Variants in AFAP1L1 observed in about 807,000 individuals in gnomAD.
The protein encoded by AFAP1L1 is actin filament-associated protein 1-like 1.
A neutral mutation model predicts 99.8 loss-of-function variants in AFAP1L1; 77 were observed. The ratio of observed to expected loss-of-function variants is 0.77; its 90% confidence interval spans 0.64 to 0.93. The LOEUF (loss-of-function observed/expected upper bound fraction) is 0.93, where lower values mean the gene tolerates loss of function less well. Among genes scored for constraint, AFAP1L1 ranks in the 40% least tolerant of loss-of-function variants. AFAP1L1 has a pLI of 0.00. For missense variants in AFAP1L1, 893 were observed against 996.8 expected (o/e 0.90, Z 1.40); for synonymous variants, 373 against 395.3 (o/e 0.94, Z 0.67).
Position 149,271,946 on chromosome 5 carries a change from T to G in AFAP1L1, c.-23T>G. 2 of 1,228,310 alleles carry G rather than the reference T, an allele frequency of 1.6e-6. No homozygotes were observed. The allele number at this position is 1,228,310 out of a possible 1,614,324, so 76.1% of individuals were successfully genotyped here. A position where few individuals can be genotyped will look rare whatever the true frequency, so the allele number is the denominator to read the frequency against. On this transcript the variant is annotated 5_prime_UTR_variant, in exon 1 of 19. Transcript: ENST00000296721. ...GGAGCCCCTGCGCCCTGCGGCCCGC[T>G]CCCCGGGGACCGGGCCGGCGCCATG...
intron 17 of AFAP1L1, among the ~76,000 whole-genome samples, chr5:149,334,900 G>A (rs1757360559): frequency 6.6e-6 from 1 of 151,840 alleles, no homozygotes; most frequent in African/African-American, 2.4e-5. Context: ...AGAAAGAAAG[G>A]AAAGAAAGAA....
At position 149,301,240 on chromosome 5, in the gene AFAP1L1, G is replaced by A; in HGVS notation, c.327+10G>A. 1.2e-6 allele frequency: 2 copies of A among 1,613,344 alleles called. No homozygotes were observed. Among genetic ancestry groups the A allele is most frequent in the Non-Finnish European group, 1.7e-6 (2 of 1,179,580 alleles). ...CCCACGCCTGAGAAACGTGAGTCAT[G>A]GCCTGGGTTCCCACACCTCAGGGCC... On this transcript the variant is annotated intron_variant, in intron 4 of 18. Coordinates refer to ENST00000296721, the MANE Select transcript of AFAP1L1 (RefSeq NM_152406.4).
At chr5:149,335,975 AG>A (rs915048258) in intron 18 of AFAP1L1, among the ~76,000 whole-genome samples, 8 of 152,256 alleles carry the variant, frequency 5.3e-5, no homozygotes, top group Admixed American at 5.2e-4. Flanking sequence ...GTTTTCAGAC[AG>A]GACAGGTTCC....
intron 9 of AFAP1L1, 100 bp from the exon 10 acceptor site, chr5:149,315,721 C>T (rs1269812336): frequency 1.1e-6 from 1 of 930,448 alleles, no homozygotes; most frequent in Non-Finnish European, 1.7e-6. Flanking sequence ...AGCTAATTAT[C>T]ATGTGCTGGG....
At chr5:149,333,656 G>A (rs1229393990) in intron 17 of AFAP1L1, among the ~76,000 whole-genome samples, 1 of 152,178 alleles carries the variant, frequency 6.6e-6, no homozygotes, top group Non-Finnish European at 1.5e-5. Flanking sequence ...TCTTATAAGG[G>A]ACTATTCTGT....
chr5:149,298,325 G>T (rs961155690), intron 1 of AFAP1L1, among the ~76,000 whole-genome samples: 9 of 152,122 alleles, frequency 5.9e-5, no homozygotes, highest in African/African-American at 2.2e-4. Flanking sequence ...AGGTAGGGGT[G>T]ATCATGGGAC....
At chr5:149,287,968 A>T (rs1321155673) in intron 1 of AFAP1L1, among the ~76,000 whole-genome samples, 1 of 152,178 alleles carries the variant, frequency 6.6e-6, no homozygotes, top group Non-Finnish European at 1.5e-5. Flanking sequence ...GGCTGTTATT[A>T]TTAGATAGCT....
intron 5 of AFAP1L1, chr5:149,304,293 C>T (rs1756326420): frequency 6.6e-6 from 1 of 152,238 alleles, no homozygotes; most frequent in African/African-American, 2.4e-5. Flanking sequence ...GGGCTGATTG[C>T]ACCTTTTGGC....
chr5:149,323,735 C>A (rs1381144202), intron 15 of AFAP1L1, among the ~76,000 whole-genome samples: 3 of 152,144 alleles, frequency 2.0e-5, no homozygotes, highest in Admixed American at 6.5e-5. Context: ...AAGTCCTTTC[C>A]CCTCTCTGGG....
Position 149,340,696 on chromosome 5 carries a change from A to G in AFAP1L1, c.*666A>G, listed in dbSNP as rs1423499308. On this transcript the variant is annotated 3_prime_UTR_variant, in exon 19 of 19. Transcript: ENST00000296721. ...TTAAAATCAGAGCTCTGAATACACA[A>G]AAGGAAAGAGAAATGGAGCAGCTGA... 6.6e-6 allele frequency: 1 copy of G among 152,296 alleles called. No homozygotes were observed. The highest frequency in any genetic ancestry group is 2.4e-5 in the African/African-American group (1 of 41,464). 9.4% of individuals were successfully genotyped at this position (152,296 alleles called of 1,614,324 possible).
At chr5:149,289,478 A>G (rs1454308643) in intron 1 of AFAP1L1, among the ~76,000 whole-genome samples, 2 of 150,962 alleles carry the variant, frequency 1.3e-5, no homozygotes, top group African/African-American at 4.9e-5. Flanking sequence ...CGCCTTTGTC[A>G]TTCTTTTCCA....
chr5:149,285,243 GT>G (rs1561660887), intron 1 of AFAP1L1, among the ~76,000 whole-genome samples: 3 of 152,222 alleles, frequency 2.0e-5, no homozygotes, highest in African/African-American at 7.2e-5. Flanking sequence ...GATAGTCAGA[GT>G]GGCCATCTGA....
intron 1 of AFAP1L1, among the ~76,000 whole-genome samples, chr5:149,279,676 C>T (rs891321889): frequency 4.6e-5 from 7 of 152,188 alleles, no homozygotes; most frequent in Non-Finnish European, 1.0e-4. Context: ...CCTTGTGGTG[C>T]CTCAGGTCTG....
intron 14 of AFAP1L1, among the ~76,000 whole-genome samples, chr5:149,322,240 G>A (rs1264890368): frequency 1.3e-5 from 2 of 152,020 alleles, no homozygotes; most frequent in African/African-American, 4.8e-5. Flanking sequence ...TCTTCTTGAG[G>A]GAAGACTGTT....
Position 149,320,476 on chromosome 5 carries a change from G to A in AFAP1L1, c.1698+13G>A, listed in dbSNP as rs2127600047. The A allele has an allele frequency of 3.1e-6, 5 of 1,613,918 alleles. No individual in the cohort carries two copies. The highest frequency in any genetic ancestry group is 4.2e-6 in the Non-Finnish European group (5 of 1,179,886). On this transcript the variant is annotated intron_variant, in intron 14 of 18. Coordinates refer to ENST00000296721, the MANE Select transcript of AFAP1L1 (RefSeq NM_152406.4). The surrounding 1 kb of genome is among the most constrained non-coding windows in gnomAD (Gnocchi z 4.0). ...TGAAAAGATGCAGGTACAGTCCCTT[G>A]GGGCTGCCCAGGAATGTGGCAAAGG... is the stretch of plus-strand genomic sequence containing the variant.
chr5:149,296,736 A>C (rs113810564), intron 1 of AFAP1L1, among the ~76,000 whole-genome samples: 66 of 152,330 alleles, frequency 4.3e-4, no homozygotes, highest in African/African-American at 1.6e-3. Flanking sequence ...TGTATGTATT[A>C]GTCTGTTTTC....
In AFAP1L1 at chr5:149,315,859, C is replaced by T. The variant is rs764410393; in HGVS notation, c.1059C>T (p.Ser353=). The T allele has an allele frequency of 6.2e-6, 10 of 1,613,988 alleles. No homozygotes were observed. Among genetic ancestry groups the T allele is most frequent in the Admixed American group, 1.7e-5 (1 of 60,008 alleles). ...SQEKQTSDSD[S]VGVGDNCSTL... ...AGAAGCAGACCTCAGATTCTGACAG[C>T]GTGGGTGTGGGTGACAACTGTTCTA... The change falls in exon 10 of 19, where the codon AGC becomes AGT. Residue 353 remains serine, a synonymous_variant. Coordinates refer to ENST00000296721, the MANE Select transcript of AFAP1L1 (RefSeq NM_152406.4).
At chr5:149,278,686 T>G (rs115113066) in intron 1 of AFAP1L1, among the ~76,000 whole-genome samples, 1 of 152,236 alleles carries the variant, frequency 6.6e-6, no homozygotes, top group Non-Finnish European at 1.5e-5. Context: ...ACACCCATAG[T>G]TGGGAGACTG....
intron 16 of AFAP1L1, among the ~76,000 whole-genome samples, chr5:149,330,471 G>A (rs191085136): frequency 9.9e-5 from 15 of 152,228 alleles, no homozygotes; most frequent in Admixed American, 2.6e-4. Context: ...ACCTATGGAC[G>A]CTTTCCTAAG....
Sources: gnomAD v4.1 joint callset for allele counts (sites outside exome capture counted in the v4.1 genomes callset) on GRCh38, gnomAD v4.1.1 for gene constraint, Gnocchi (gnomAD v3.1) non-coding constraint, MANE v1.5 for transcripts, NCBI Gene and HGNC (gene_info 2026-07-23, HGNC 2026-07-21) for gene names.